Variants in HTT observed in about 807,000 individuals in gnomAD.
HTT encodes the protein huntingtin.
Under a neutral mutation model 362.3 loss-of-function variants are expected in HTT, and 104 were observed. The observed-to-expected ratio is 0.29, with a 90% CI of 0.24 to 0.34. The LOEUF (loss-of-function observed/expected upper bound fraction) is 0.34, where lower values mean the gene tolerates loss of function less well. Ranked by LOEUF, HTT falls within the 10% of genes least tolerant of loss-of-function variation. The probability of loss-of-function intolerance (pLI) is 1.00; values close to 1 mark genes in which losing one functional copy is unlikely to be tolerated. For synonymous variants in HTT, 1,577 were observed against 1,548.7 expected (o/e 1.02, Z -0.43); for missense variants, 3,301 against 3,928.6 (o/e 0.84, Z 4.27).
intron 8 of HTT, among the ~76,000 whole-genome samples, chr4:3,118,562 G>T (rs905271818): frequency 6.6e-6 from 1 of 152,202 alleles, no homozygotes; most frequent in Non-Finnish European, 1.5e-5. Flanking sequence ...ACACGAGTGT[G>T]GGTGCGTAGA....
At chr4:3,141,195 A>G (rs1716329129) in intron 22 of HTT, among the ~76,000 whole-genome samples, 1 of 152,252 alleles carries the variant, frequency 6.6e-6, no homozygotes, top group South Asian at 2.1e-4. Flanking sequence ...TGAAGCTATA[A>G]TCTTCAGAAT....
chr4:3,092,939 G>C (rs1578490806), intron 2 of HTT, among the ~76,000 whole-genome samples: 3 of 152,162 alleles, frequency 2.0e-5, no homozygotes, highest in Admixed American at 2.0e-4. Context: ...ATTACTGCCT[G>C]GTCATGGCAA....
rs767787527 is a variant in HTT, at chr4:3,160,257, G to C, written c.3754-25G>C. The C allele has an allele frequency of 5.6e-6, 8 of 1,430,158 alleles. No individual in the cohort carries two copies. In the South Asian group the frequency reaches 9.8e-5, roughly 17 times the overall value. 88.6% of individuals were successfully genotyped at this position (1,430,158 alleles called of 1,614,324 possible). A position where few individuals can be genotyped will look rare whatever the true frequency, so the allele number is the denominator to read the frequency against. The stretch of plus-strand genomic sequence containing the variant: ...AGATCGTGACAGGGCCAGTAACCGT[G>C]TGTTCTCTCCTTCACCTTCCCAAGG... On this transcript the variant is annotated intron_variant, in intron 28 of 66. Coordinates refer to ENST00000355072, the MANE Select transcript of HTT (RefSeq NM_001388492.1).
chr4:3,140,934 AC>A (rs1716316251), intron 22 of HTT, among the ~76,000 whole-genome samples: 1 of 135,246 alleles, frequency 7.4e-6, no homozygotes, highest in Non-Finnish European at 1.7e-5. Context: ...TGTTTGTGAC[AC>A]TTACGTATTA....
intron 63 of HTT, 125 bp downstream of exon 63, chr4:3,235,903 C>T (rs780808787): frequency 9.8e-6 from 8 of 819,826 alleles, no homozygotes; most frequent in Non-Finnish European, 1.2e-5. Context: ...TGCCCCAAGC[C>T]GGCCCCATCA....
Position 3,074,848 on chromosome 4 carries a change from T to C in HTT, c.23T>C (p.Met8Thr). Residue 8 changes from methionine (M) to threonine (T), a missense_variant, in exon 1 of 67, where the codon ATG becomes ACG. Physicochemically the swap from Met to Thr is moderately conservative, Grantham distance 81. This residue lies in a region of HTT where 12 missense variants were observed against 30.3 expected (regional missense o/e 0.40). Coordinates refer to ENST00000355072, the MANE Select transcript of HTT (RefSeq NM_001388492.1). MATLEKL[M>T]KAFESLKSFQ... ...GCCATGGCGACCCTGGAAAAGCTGA[T>C]GAAGGCCTTCGAGTCCCTCAAGTCC... is the stretch of plus-strand genomic sequence containing the variant. 6.7e-7 allele frequency: 1 copy of C among 1,502,720 alleles called. No homozygotes were observed. Among genetic ancestry groups the C allele is most frequent in the Non-Finnish European group, 8.9e-7 (1 of 1,127,826 alleles). 93.1% of individuals were successfully genotyped at this position (1,502,720 alleles called of 1,614,324 possible). A position where few individuals can be genotyped will look rare whatever the true frequency, so the allele number is the denominator to read the frequency against.
At position 3,116,215 on chromosome 4, in the gene HTT, G is replaced by C; in HGVS notation, c.1020G>C (p.Val340=). 1 of 1,613,828 alleles carries C rather than the reference G, an allele frequency of 6.2e-7. No homozygotes were observed. The part of the protein sequence containing the change: ...KDTSLKGSFG[V]TRKEMEVSPS... ...CAAGCCTGAAAGGCAGCTTCGGAGTGACAAGGAAAGAAATGGAAGTCTCTC... is the reference window on the plus strand; with the variant it reads ...CAAGCCTGAAAGGCAGCTTCGGAGTCACAAGGAAAGAAATGGAAGTCTCTC... Residue 340 remains valine (V), a synonymous_variant, in exon 8 of 67, where the codon GTG becomes GTC. Coordinates refer to ENST00000355072, the MANE Select transcript of HTT (RefSeq NM_001388492.1).
At chr4:3,220,456 G>T in intron 53 of HTT, 148 bp downstream of exon 53, 2 of 827,086 alleles carry the variant, frequency 2.4e-6, no homozygotes, top group East Asian at 2.6e-5. Flanking sequence ...ACATTTTGCA[G>T]TGTTGGCAAA....
At chr4:3,186,844 T>G in intron 38 of HTT, 125 bp downstream of exon 38, 1 of 738,672 alleles carries the variant, frequency 1.4e-6, no homozygotes, top group South Asian at 2.3e-5. Flanking sequence ...TTTGCTTTTT[T>G]TTTTTTTTTT....
At chr4:3,111,527 G>C (rs1472801233) in intron 6 of HTT, among the ~76,000 whole-genome samples, 1 of 152,108 alleles carries the variant, frequency 6.6e-6, no homozygotes, top group East Asian at 1.9e-4. Flanking sequence ...TTTTCCTCTT[G>C]AGTCAGCTAG....
intron 22 of HTT, among the ~76,000 whole-genome samples, chr4:3,142,503 T>G (rs1170955389): frequency 6.6e-6 from 1 of 152,116 alleles, no homozygotes; most frequent in Non-Finnish European, 1.5e-5. Flanking sequence ...AGCATGTATT[T>G]CAACTTAAAC....
At chr4:3,172,548 G>A (rs1718040494) in intron 30 of HTT, 151 bp downstream of exon 30, 2 of 681,632 alleles carry the variant, frequency 2.9e-6, no homozygotes, top group Non-Finnish European at 5.3e-6. Context: ...CCATGATTGA[G>A]CCAAGAGGCC....
At chr4:3,207,423 T>G (rs1719920870) in intron 45 of HTT, 66 bp downstream of exon 45, 3 of 1,312,864 alleles carry the variant, frequency 2.3e-6, no homozygotes, top group Non-Finnish European at 3.2e-6. Flanking sequence ...TATAGATTTG[T>G]ACGGGAATAA....
At chr4:3,230,635 G>A (rs150019575) in intron 60 of HTT, among the ~76,000 whole-genome samples, 176 of 152,272 alleles carry the variant, frequency 1.2e-3, no homozygotes, top group African/African-American at 3.6e-3. Context: ...ACTTCTCACC[G>A]TTCTGGGGGC....
rs1424817990 is a variant in HTT, at chr4:3,148,007, A to T, written c.3298A>T (p.Ser1100Cys). 6.2e-7 allele frequency: 1 copy of T among 1,611,424 alleles called. No individual in the cohort carries two copies. Residue 1100 changes from serine to cysteine, a missense_variant and splice_region_variant, in exon 26 of 67, where the codon AGT (serine) becomes TGT (cysteine). Around this residue, in one of 4 missense-constraint regions of HTT, gnomAD observed 2,316 missense variants for 2,658.5 expected, o/e 0.87. Coordinates refer to ENST00000355072, the MANE Select transcript of HTT (RefSeq NM_001388492.1). ...LILAGNLLAA[S>C]APKSLRSSWA... The stretch of plus-strand genomic sequence containing the variant: ...TAATGTCTGTGCCCATATCACAGCC[A>T]GTGCTCCCAAATCTCTGAGAAGTTC...
intron 42 of HTT, 113 bp downstream of exon 42, chr4:3,204,261 C>A: frequency 1.0e-6 from 1 of 960,152 alleles, no homozygotes; most frequent in Non-Finnish European, 1.6e-6. Context: ...GGTGTCCTGC[C>A]AAGCTCCATC....
At chr4:3,201,122 A>G (rs963187716) in intron 41 of HTT, among the ~76,000 whole-genome samples, 2 of 152,264 alleles carry the variant, frequency 1.3e-5, no homozygotes, top group Non-Finnish European at 2.9e-5. Context: ...CTCTGAGGGC[A>G]AACTACAGCT....
At chr4:3,123,355 T>A (rs1452158001) in intron 10 of HTT, 2 of 158,704 alleles carry the variant, frequency 1.3e-5, no homozygotes, top group African/African-American at 4.8e-5. Context: ...GAACTTTACT[T>A]ACAGAAACAG....
chr4:3,087,065 A>G (rs1560541159), intron 2 of HTT, 43 bp downstream of exon 2: 6 of 1,064,628 alleles, frequency 5.6e-6, no homozygotes, highest in Non-Finnish European at 8.6e-6. Flanking sequence ...AGAACTTTGT[A>G]TATTTTCAGT....
Sources: allele counts gnomAD v4.1 joint callset (sites outside exome capture counted in the v4.1 genomes callset), GRCh38; gene constraint gnomAD v4.1.1; regional missense constraint gnomAD v4.1.1; transcripts MANE v1.5; gene names NCBI Gene and HGNC (gene_info 2026-07-23, HGNC 2026-07-21).